The following KIF6 variants were observed in gnomAD, a reference collection of about 807,000 sequenced individuals.
KIF6 encodes kinesin-like protein KIF6.
KIF6 carries 106 observed loss-of-function variants against 112.7 expected under a neutral mutation model. The ratio of observed to expected loss-of-function variants is 0.94; its 90% CI spans 0.80 to 1.11. The LOEUF is 1.11. Among genes scored for constraint, KIF6 ranks in the 50% least tolerant of loss-of-function variants. KIF6 has a pLI of 0.00. For synonymous variants in KIF6, 339 were observed against 339.9 expected, an observed-to-expected ratio of 1.00 and a Z score of 0.03; for missense variants, 929 against 964.0, an observed-to-expected ratio of 0.96 and a Z score of 0.48.
At chr6:39,390,710 T>C (rs1296175881) in intron 15 of KIF6, among the ~76,000 whole-genome samples, 1 of 152,176 alleles carries the variant, frequency 6.6e-6, no homozygotes, top group Non-Finnish European at 1.5e-5. Flanking sequence ...TAAACATCAG[T>C]TGTAGAACTG....
chr6:39,401,376 G>A (rs1422176389), intron 15 of KIF6, among the ~76,000 whole-genome samples: 1 of 152,200 alleles, frequency 6.6e-6, no homozygotes, highest in African/African-American at 2.4e-5. Flanking sequence ...AGTACAAGTA[G>A]TTTATTTGGG....
intron 13 of KIF6, among the ~76,000 whole-genome samples, chr6:39,485,013 C>T (rs1775034970): frequency 6.6e-6 from 1 of 152,216 alleles, no homozygotes; most frequent in Non-Finnish European, 1.5e-5. Flanking sequence ...GTCATCTCCC[C>T]CAGGGCTCTC....
chr6:39,583,454 AC>A (rs1449541758), intron 9 of KIF6: 2 of 471,560 alleles, frequency 4.2e-6, no homozygotes, highest in South Asian at 3.1e-5. Flanking sequence ...GCAGAAGAGA[AC>A]TCCATCAGAG....
intron 3 of KIF6, among the ~76,000 whole-genome samples, chr6:39,660,789 T>C (rs892533357): frequency 6.6e-6 from 1 of 152,314 alleles, no homozygotes; most frequent in South Asian, 2.1e-4. Flanking sequence ...TCCAGAAGCG[T>C]CCATTTTCTT....
chr6:39,544,187 A>G (rs144980332), intron 12 of KIF6, among the ~76,000 whole-genome samples: 26 of 152,308 alleles, frequency 1.7e-4, no homozygotes, highest in Middle Eastern at 6.8e-3. Flanking sequence ...CAGCTTGCTA[A>G]AGATAACCAG....
chr6:39,497,396 G>A (rs563100189), intron 13 of KIF6, among the ~76,000 whole-genome samples: 4 of 152,316 alleles, frequency 2.6e-5, no homozygotes, highest in Non-Finnish European at 5.9e-5. Context: ...GGGGAAGGCC[G>A]TAAGAGTTTC....
intron 3 of KIF6, among the ~76,000 whole-genome samples, chr6:39,685,103 T>C (rs1161310830): frequency 1.3e-5 from 2 of 152,080 alleles, no homozygotes; most frequent in Non-Finnish European, 2.9e-5. Context: ...GGGAAATAGC[T>C]AGAAGGGATG....
intron 10 of KIF6, among the ~76,000 whole-genome samples, chr6:39,570,055 A>G (rs1780558775): frequency 6.6e-6 from 1 of 152,230 alleles, no homozygotes; most frequent in Admixed American, 6.5e-5. Flanking sequence ...TGAAGCTTTT[A>G]TTAGTACAAA....
Position 39,342,937 on chromosome 6 carries a change from CA to C in KIF6, c.2428+771del, listed in dbSNP as rs1763425054. ...CATCGAATCTGCCAGCCCATACCAT[CA>C]CGGTGGGGGCGCCTTTCTGGCAATG... On this transcript the variant is annotated intron_variant, in intron 22 of 22. Transcript: ENST00000287152. The surrounding 1 kb of genome is among the most constrained non-coding windows in gnomAD (Gnocchi z 4.7). 1.0e-5 allele frequency: 10 copies of C among 985,342 alleles called. No homozygotes were observed. The South Asian group carries it at 4.7e-4, about 46-fold the overall frequency. 61.0% of individuals were successfully genotyped at this position (985,342 alleles called of 1,614,324 possible).
chr6:39,598,877 A>G (rs76988909), intron 6 of KIF6, among the ~76,000 whole-genome samples: 17,584 of 152,224 alleles, frequency 0.12, 1,073 homozygotes, highest in African/African-American at 0.16. Context: ...GAACATTATG[A>G]TAGAATTTAC....
chr6:39,684,151 A>G (rs934242628), intron 3 of KIF6, among the ~76,000 whole-genome samples: 2 of 152,194 alleles, frequency 1.3e-5, no homozygotes. Flanking sequence ...CCTGCAGCAG[A>G]TACTCATGAA....
chr6:39,352,259 A>G (rs912083897), intron 19 of KIF6, among the ~76,000 whole-genome samples: 8 of 152,246 alleles, frequency 5.3e-5, no homozygotes, highest in Non-Finnish European at 1.2e-4. Flanking sequence ...TAACTGGTGA[A>G]TGAATATAGA....
chr6:39,364,813 T>C (rs935555078), intron 16 of KIF6, among the ~76,000 whole-genome samples: 1 of 152,182 alleles, frequency 6.6e-6, no homozygotes, highest in Non-Finnish European at 1.5e-5. Flanking sequence ...AGCTACTAAA[T>C]AGCAGAGCTG....
chr6:39,338,219 G>T (rs577199358), intron 22 of KIF6, among the ~76,000 whole-genome samples: 1 of 152,246 alleles, frequency 6.6e-6, no homozygotes, highest in Non-Finnish European at 1.5e-5. Context: ...GCTGCTCAGG[G>T]AACAGGTGAG....
chr6:39,715,872 C>T (rs1380717048), intron 2 of KIF6, among the ~76,000 whole-genome samples: 2 of 152,184 alleles, frequency 1.3e-5, no homozygotes, highest in African/African-American at 2.4e-5. Context: ...AGATGTATCA[C>T]AGCTTCAGAT....
chr6:39,705,605 G>A (rs1029462030), intron 3 of KIF6, among the ~76,000 whole-genome samples: 1 of 152,138 alleles, frequency 6.6e-6, no homozygotes, highest in African/African-American at 2.4e-5. Flanking sequence ...AAGGTAAAGA[G>A]GAGACCTTGC....
intron 3 of KIF6, among the ~76,000 whole-genome samples, chr6:39,652,982 T>G (rs1337382701): frequency 6.6e-6 from 1 of 152,214 alleles, no homozygotes; most frequent in Non-Finnish European, 1.5e-5. Flanking sequence ...AAAAATAACT[T>G]AAAAGTCTTA....
At chr6:39,381,953 CTGTG>C (rs1400568726) in intron 16 of KIF6, among the ~76,000 whole-genome samples, 1 of 152,148 alleles carries the variant, frequency 6.6e-6, no homozygotes, top group Non-Finnish European at 1.5e-5. Flanking sequence ...AGGCACAAGC[CTGTG>C]ATTGAAAACA....
At chr6:39,587,046 G>A (rs939282171) in intron 7 of KIF6, among the ~76,000 whole-genome samples, 4 of 152,200 alleles carry the variant, frequency 2.6e-5, no homozygotes, top group African/African-American at 9.7e-5. Flanking sequence ...TAAGCAATGG[G>A]TAGTTGACCT....
Sources: allele counts gnomAD v4.1 joint callset (sites outside exome capture counted in the v4.1 genomes callset), GRCh38; gene constraint gnomAD v4.1.1; non-coding constraint Gnocchi (gnomAD v3.1); transcripts MANE v1.5; gene names NCBI Gene and HGNC (gene_info 2026-07-23, HGNC 2026-07-21).